Variants in COQ5 observed in about 807,000 individuals in gnomAD.
COQ5 encodes the protein coenzyme Q5, methyltransferase.
In COQ5, 27 loss-of-function variants were observed where a neutral mutation model predicts 40.5. That is an observed-to-expected ratio of 0.67 (90% CI 0.49 to 0.92). The LOEUF is 0.92. Ranked by LOEUF, COQ5 falls within the 40% of genes least tolerant of loss-of-function variation. The probability of loss-of-function intolerance (pLI) is 0.00; values close to 1 mark genes in which losing one functional copy is unlikely to be tolerated. For missense variants in COQ5, 409 were observed against 406.4 expected, an observed-to-expected ratio of 1.01 and a Z score of -0.06; for synonymous variants, 141 against 150.0, an observed-to-expected ratio of 0.94 and a Z score of 0.44.
At chr12:120,522,876 A>T in intron 1 of COQ5, 1 of 717,418 alleles carries the variant, frequency 1.4e-6, no homozygotes, top group Non-Finnish European at 2.5e-6. Context: ...CTCGGGCTTA[A>T]CCTCCTTGGG....
At chr12:120,526,379 CTG>C (rs1432009103) in intron 1 of COQ5, 2 of 424,030 alleles carry the variant, frequency 4.7e-6, no homozygotes, top group African/African-American at 4.1e-5. Context: ...AAATAGATGA[CTG>C]TGGGAATATT....
intron 1 of COQ5, among the ~76,000 whole-genome samples, chr12:120,527,687 T>C (rs1870014018): frequency 6.6e-6 from 1 of 152,022 alleles, no homozygotes; most frequent in Non-Finnish European, 1.5e-5. Flanking sequence ...CATTGTAAAA[T>C]GTTGATTATA....
At chr12:120,521,839 T>C (rs1164616916) in intron 2 of COQ5, among the ~76,000 whole-genome samples, 7 of 150,608 alleles carry the variant, frequency 4.6e-5, no homozygotes, top group African/African-American at 1.7e-4. Context: ...TCTACTAAAA[T>C]ACAAAATATT....
At chr12:120,526,483 A>C (rs1490122398) in intron 1 of COQ5, 1 of 455,790 alleles carries the variant, frequency 2.2e-6, no homozygotes, top group South Asian at 1.6e-5. Flanking sequence ...TGGAGCTGTG[A>C]CAAAAAGGTT....
intron 5 of COQ5, 108 bp from the exon 6 acceptor site, chr12:120,504,189 T>C: frequency 1.3e-6 from 1 of 746,810 alleles, no homozygotes; most frequent in Non-Finnish European, 2.4e-6. Context: ...CAAATGCCTA[T>C]AGGGATCAAG....
intron 1 of COQ5, chr12:120,526,747 C>T (rs1869969301): frequency 2.1e-5 from 4 of 188,588 alleles, no homozygotes; most frequent in Admixed American, 1.1e-4. Flanking sequence ...CAGAGTCTTG[C>T]TCTGTCGCCC....
intron 1 of COQ5, among the ~76,000 whole-genome samples, chr12:120,524,649 G>A (rs1380565030): frequency 6.6e-6 from 1 of 152,106 alleles, no homozygotes; most frequent in Non-Finnish European, 1.5e-5. Flanking sequence ...CTGCCAGAAG[G>A]CTGAATTGGA....
chr12:120,528,231 T>A (rs944814735), intron 1 of COQ5, among the ~76,000 whole-genome samples: 1 of 144,036 alleles, frequency 6.9e-6, no homozygotes, highest in African/African-American at 2.5e-5. Context: ...AATAAATAAA[T>A]AAAAACAACC....
chr12:120,517,139 G>A (rs1249127547), intron 2 of COQ5, among the ~76,000 whole-genome samples: 3 of 152,196 alleles, frequency 2.0e-5, no homozygotes, highest in Non-Finnish European at 2.9e-5. Context: ...CTGAGGTCAG[G>A]AGTCTGAGAC....
chr12:120,517,840 T>C (rs1660572067), intron 2 of COQ5, among the ~76,000 whole-genome samples: 1 of 151,432 alleles, frequency 6.6e-6, no homozygotes, highest in African/African-American at 2.4e-5. Context: ...GAGTTTCTGC[T>C]CTTGTTGCCC....
chr12:120,522,535 T>A (rs563164427), intron 1 of COQ5, 172 bp from the exon 2 acceptor site: 136 of 649,214 alleles, frequency 2.1e-4, no homozygotes, highest in African/African-American at 2.0e-3. Flanking sequence ...TCTTTATTGA[T>A]TTATTTTTTT....
rs139261017 is a variant in COQ5 at position 120,516,827 on chromosome 12, C to T, written c.353-39G>A. Reference sequence around the variant, plus strand: ...ACATGAGGAAAGATGCAGACTAAAACAAAAATAAAAAAGGAAGAAACAGCA... The same window carrying T: ...ACATGAGGAAAGATGCAGACTAAAATAAAAATAAAAAAGGAAGAAACAGCA... On this transcript the variant is annotated intron_variant, in intron 2 of 6. Coordinates refer to ENST00000288532, the MANE Select transcript of COQ5 (RefSeq NM_032314.4). 193 of 1,561,214 alleles carry T rather than the reference C, an allele frequency of 1.2e-4. No individual in the cohort carries two copies. In the African/African-American group the frequency reaches 2.2e-3, roughly 18 times the overall value.
chr12:120,525,320 A>G (rs1869886260), intron 1 of COQ5, among the ~76,000 whole-genome samples: 1 of 151,558 alleles, frequency 6.6e-6, no homozygotes, highest in Non-Finnish European at 1.5e-5. Flanking sequence ...GCTGGTCTCA[A>G]ACTCCTGACC....
intron 1 of COQ5, chr12:120,527,521 T>A (rs1870006383): frequency 6.6e-6 from 1 of 152,216 alleles, no homozygotes; most frequent in South Asian, 2.1e-4. Flanking sequence ...TGTGTATGAC[T>A]TCAGCTTGCA....
At chr12:120,526,363 T>C (rs1869943780) in intron 1 of COQ5, 3 of 405,572 alleles carry the variant, frequency 7.4e-6, no homozygotes, top group South Asian at 3.6e-5. Flanking sequence ...AGTGGAGTTA[T>C]AGGAGAAATA....
intron 2 of COQ5, among the ~76,000 whole-genome samples, chr12:120,520,543 T>C (rs10849755): frequency 0.79 from 119,803 of 151,860 alleles, 47,618 homozygotes; most frequent in Admixed American, 0.85. Context: ...CCAGGATGGT[T>C]TCGATCTCTT....
At chr12:120,527,794 A>C (rs1016230852) in intron 1 of COQ5, among the ~76,000 whole-genome samples, 8 of 151,668 alleles carry the variant, frequency 5.3e-5, no homozygotes, top group Non-Finnish European at 1.0e-4. Flanking sequence ...CATCCTGGCT[A>C]ACATGGTGAA....
rs373266483 is a variant in COQ5, at chr12:120,529,099, G to T, written c.43C>A (p.Arg15Ser). The T allele has an allele frequency of 5.0e-6, 8 of 1,613,964 alleles. No individual in the cohort carries two copies. The African/African-American group carries it at 1.1e-4, about 22-fold the overall frequency. ...GSCALWSYCG[R>S]GWSRAMRGCQ... ...CCCCGCATCGCCCGCGACCACCCAC[G>T]GCCGCAATAGCTCCATAGAGCACAG... is the stretch of plus-strand genomic sequence containing the variant. Residue 15 changes from arginine (R) to serine (S), a missense_variant, in exon 1 of 7, where the codon CGT (arginine) becomes AGT (serine). Coordinates refer to ENST00000288532, the MANE Select transcript of COQ5 (RefSeq NM_032314.4).
At chr12:120,528,892 G>A (rs1021251919) in intron 1 of COQ5, 48 bp downstream of exon 1, 1 of 1,546,870 alleles carries the variant, frequency 6.5e-7, no homozygotes, top group Admixed American at 1.7e-5. Flanking sequence ...GAAGAAACCA[G>A]ACCATGGACG....
Sources: gnomAD v4.1 joint callset for allele counts (sites outside exome capture counted in the v4.1 genomes callset) on GRCh38, gnomAD v4.1.1 for gene constraint, MANE v1.5 for transcripts, NCBI Gene and HGNC (gene_info 2026-07-23, HGNC 2026-07-21) for gene names.